ACSBG1: variants seen among roughly 807,000 people sequenced by gnomAD.
ACSBG1 encodes long-chain-fatty-acid--CoA ligase ACSBG1.
ACSBG1 carries 39 observed loss-of-function variants against 80.2 expected under a neutral mutation model. The observed-to-expected ratio is 0.49, with a 90% CI of 0.38 to 0.64. The LOEUF (loss-of-function observed/expected upper bound fraction) is 0.64, where lower values mean the gene tolerates loss of function less well. Among genes scored for constraint, ACSBG1 ranks in the 30% least tolerant of loss-of-function variants. The probability of loss-of-function intolerance (pLI) is 0.00; values close to 1 mark genes in which losing one functional copy is unlikely to be tolerated. For missense variants in ACSBG1, 828 were observed against 966.4 expected, an observed-to-expected ratio of 0.86 and a Z score of 1.90; for synonymous variants, 392 against 379.5, an observed-to-expected ratio of 1.03 and a Z score of -0.38.
chr15:78,225,441 ATT>A (rs1331489449), intron 1 of ACSBG1, among the ~76,000 whole-genome samples: 5 of 151,228 alleles, frequency 3.3e-5, no homozygotes, highest in African/African-American at 1.2e-4. Flanking sequence ...ATAAAAATAA[ATT>A]AAAAAATAAA....
At chr15:78,193,373 GTATGCATTAGAGGGT>G (rs1461814760) in intron 5 of ACSBG1, 118 bp downstream of exon 5, 2 of 1,311,794 alleles carry the variant, frequency 1.5e-6, no homozygotes, top group Non-Finnish European at 2.1e-6. Flanking sequence ...TGCTTGCTGT[GTATGCATTAGAGGGT>G]TGCCGTTGAG....
intron 1 of ACSBG1, among the ~76,000 whole-genome samples, chr15:78,212,268 C>T (rs896693391): frequency 6.6e-6 from 1 of 152,120 alleles, no homozygotes; most frequent in Admixed American, 6.6e-5. Flanking sequence ...CCTCTCTGGC[C>T]CTCGGTTTTC....
intron 2 of ACSBG1, among the ~76,000 whole-genome samples, chr15:78,200,664 GCAC>G: frequency 6.6e-6 from 1 of 152,184 alleles, no homozygotes; most frequent in Non-Finnish European, 1.5e-5. Flanking sequence ...GAAGACCCCG[GCAC>G]CACATCTCCC....
chr15:78,222,402 G>A (rs745465017), intron 1 of ACSBG1, among the ~76,000 whole-genome samples: 37 of 152,160 alleles, frequency 2.4e-4, no homozygotes, highest in African/African-American at 7.2e-4. Flanking sequence ...GGTGGCTGAC[G>A]CCTGTAATTC....
At chr15:78,201,833 G>A (rs905881602) in intron 2 of ACSBG1, among the ~76,000 whole-genome samples, 2 of 152,230 alleles carry the variant, frequency 1.3e-5, no homozygotes, top group Non-Finnish European at 1.5e-5. Flanking sequence ...CAGCTGTTGA[G>A]CCTTGGACAT....
chr15:78,185,057 GA>G (rs1204359139), intron 5 of ACSBG1, among the ~76,000 whole-genome samples: 3 of 92,964 alleles, frequency 3.2e-5, no homozygotes, highest in Non-Finnish European at 4.0e-5. Flanking sequence ...GGGAGGGAGA[GA>G]GAGAGAGAGA....
intron 2 of ACSBG1, among the ~76,000 whole-genome samples, chr15:78,202,873 G>A (rs561559983): frequency 6.6e-6 from 1 of 152,278 alleles, no homozygotes; most frequent in African/African-American, 2.4e-5. Flanking sequence ...ATACAGCAAC[G>A]TGTCTATTAG....
At chr15:78,227,958 A>T (rs2075417170) in intron 1 of ACSBG1, among the ~76,000 whole-genome samples, 1 of 152,242 alleles carries the variant, frequency 6.6e-6, no homozygotes, top group Non-Finnish European at 1.5e-5. Context: ...AACAGTGGTT[A>T]CTTATGGGAA....
At chr15:78,220,100 A>G (rs1379931741) in intron 1 of ACSBG1, among the ~76,000 whole-genome samples, 1 of 152,260 alleles carries the variant, frequency 6.6e-6, no homozygotes, top group African/African-American at 2.4e-5. Flanking sequence ...GAAAACCTAC[A>G]GTAATTAAGA....
intron 1 of ACSBG1, among the ~76,000 whole-genome samples, chr15:78,226,002 T>C (rs1000019271): frequency 1.3e-5 from 2 of 152,178 alleles, no homozygotes; most frequent in African/African-American, 2.4e-5. Context: ...GAATGTTAGC[T>C]AGAGGTGTCC....
intron 5 of ACSBG1, among the ~76,000 whole-genome samples, chr15:78,190,640 G>A (rs2075049197): frequency 6.6e-6 from 1 of 151,966 alleles, no homozygotes; most frequent in African/African-American, 2.4e-5. Context: ...AATGTTTGTG[G>A]GGTTTATAAC....
intron 1 of ACSBG1, chr15:78,226,478 G>C (rs1028045687): frequency 3.9e-5 from 6 of 154,490 alleles, no homozygotes; most frequent in African/African-American, 1.4e-4. Flanking sequence ...TTAGTATAAG[G>C]CTGTAGTAGT....
At position 78,202,267 on chromosome 15, in the gene ACSBG1, G is replaced by A. The variant is rs549419387; in HGVS notation, c.232+5735C>T. Among the ~76,000 whole-genome samples the A allele has an allele frequency of 1.3e-3, 201 of 152,172 alleles. 2 individuals carry two copies. Among genetic ancestry groups the A allele is most frequent in the African/African-American group, 4.6e-3 (192 of 41,496 alleles). On this transcript the variant is annotated intron_variant, in intron 2 of 13. Transcript: ENST00000258873. ...TGCTCTGTCACCAGGCTGGAGTGCT[G>A]TGGCACTATCTCGGCTCACTGCAAC...
chr15:78,176,280 A>G (rs2074882245), intron 11 of ACSBG1, among the ~76,000 whole-genome samples: 1 of 152,156 alleles, frequency 6.6e-6, no homozygotes, highest in Non-Finnish European at 1.5e-5. Context: ...GACCACTATC[A>G]CCACTTCTAT....
intron 1 of ACSBG1, among the ~76,000 whole-genome samples, chr15:78,208,990 G>A (rs1182668809): frequency 2.6e-5 from 4 of 152,210 alleles, no homozygotes; most frequent in Non-Finnish European, 4.4e-5. Flanking sequence ...CAACAACTAC[G>A]TAAACAGAAT....
At chr15:78,215,739 A>AAAGGAAGAAAGAAAGG (rs748940789) in intron 1 of ACSBG1, among the ~76,000 whole-genome samples, 5 of 140,472 alleles carry the variant, frequency 3.6e-5, no homozygotes, top group African/African-American at 1.1e-4. Flanking sequence ...AGAAAGAAAG[A>AAAGGAAGAAAGAAAGG]AAGAAAGAAA....
chr15:78,211,658 T>C (rs534558704), intron 1 of ACSBG1, among the ~76,000 whole-genome samples: 5 of 152,102 alleles, frequency 3.3e-5, no homozygotes, highest in African/African-American at 1.2e-4. Context: ...TGATGTAAGA[T>C]GTGTGGGGGG....
At chr15:78,227,218 C>CAAA (rs56011241) in intron 1 of ACSBG1, among the ~76,000 whole-genome samples, 5 of 53,772 alleles carry the variant, frequency 9.3e-5, no homozygotes, top group African/African-American at 2.1e-4. Context: ...GACCCTGTCT[C>CAAA]AAAAAAAAAA....
Position 78,182,720 on chromosome 15 carries a change from C to T in ACSBG1, c.729G>A (p.Met243Ile), listed in dbSNP as rs753885319. The T allele has an allele frequency of 1.2e-6, 2 of 1,614,142 alleles. No individual in the cohort carries two copies. Among genetic ancestry groups the T allele is most frequent in the Non-Finnish European group, 1.7e-6 (2 of 1,180,054 alleles). Reference protein sequence around the residue: ...VIYKEPPPNKMANVYTMEEFM... With the variant: ...VIYKEPPPNKIANVYTMEEFM... ...CTGCCCATACCGTGTACACATTGGC[C>T]ATCTTGTTTGGAGGAGGTTCTTTAT... Residue 243 changes from methionine (M) to isoleucine (I), a missense_variant, in exon 6 of 14, where the codon ATG (methionine) becomes ATA (isoleucine). Met to Ile is a conservative substitution (Grantham distance 10, BLOSUM62 1). This residue lies in a region of ACSBG1 where 356 missense variants were observed against 363.5 expected (regional missense o/e 0.98). Transcript: ENST00000258873.
Sources: gnomAD v4.1 joint callset for allele counts (sites outside exome capture counted in the v4.1 genomes callset) on GRCh38, gnomAD v4.1.1 for gene constraint, gnomAD v4.1.1 regional missense constraint, MANE v1.5 for transcripts, NCBI Gene and HGNC (gene_info 2026-07-23, HGNC 2026-07-21) for gene names.